The following BBS9 variants were observed in gnomAD, a reference collection of about 807,000 sequenced individuals.
BBS9 encodes the protein Bardet-Biedl syndrome 9.
In BBS9, 89 loss-of-function variants were observed where a neutral mutation model predicts 117.7. The ratio of observed to expected loss-of-function variants is 0.76; its 90% CI spans 0.64 to 0.90. BBS9 has a LOEUF of 0.90. BBS9 is among the 40% of genes least tolerant of loss of function. The probability of loss-of-function intolerance (pLI) is 0.00; values close to 1 mark genes in which losing one functional copy is unlikely to be tolerated. For missense variants in BBS9, 982 were observed against 1,042.2 expected, an observed-to-expected ratio of 0.94 and a Z score of 0.80; for synonymous variants, 379 against 370.9, an observed-to-expected ratio of 1.02 and a Z score of -0.25.
At chr7:33,557,558 G>T (rs1460347525) in intron 21 of BBS9, among the ~76,000 whole-genome samples, 1 of 151,954 alleles carries the variant, frequency 6.6e-6, no homozygotes, top group Non-Finnish European at 1.5e-5. Context: ...TGCAATTAAT[G>T]TCAGTCCTTT....
intron 19 of BBS9, among the ~76,000 whole-genome samples, 182 bp from the exon 20 acceptor site, chr7:33,505,281 T>TA (rs1845984808): frequency 1.3e-5 from 2 of 151,952 alleles, no homozygotes; most frequent in Non-Finnish European, 2.9e-5. Flanking sequence ...GTGGGCATTT[T>TA]TTTTTAAAGA....
intron 19 of BBS9, among the ~76,000 whole-genome samples, chr7:33,414,944 A>T (rs1216807348): frequency 2.6e-5 from 4 of 152,138 alleles, no homozygotes; most frequent in African/African-American, 4.8e-5. Flanking sequence ...ACATTTTTTT[A>T]AAAATTGAAA....
intron 21 of BBS9, among the ~76,000 whole-genome samples, chr7:33,600,108 A>T (rs1167088495): frequency 1.3e-5 from 2 of 152,216 alleles, no homozygotes; most frequent in Non-Finnish European, 2.9e-5. Context: ...TACATATCAC[A>T]TTAATTAAGT....
chr7:33,242,931 A>G (rs776411084), intron 5 of BBS9: 3 of 518,778 alleles, frequency 5.8e-6, no homozygotes, highest in South Asian at 2.8e-5. Flanking sequence ...TGGCCCTGCT[A>G]CTTACCAGCT....
intron 19 of BBS9, among the ~76,000 whole-genome samples, chr7:33,431,029 A>G (rs182191362): frequency 0.032 from 4,420 of 139,608 alleles, 217 homozygotes; most frequent in African/African-American, 0.11. Flanking sequence ...TCTCTGTGAG[A>G]AAAAAAAAAA....
intron 19 of BBS9, among the ~76,000 whole-genome samples, chr7:33,492,754 C>G (rs1009706842): frequency 1.3e-5 from 2 of 151,118 alleles, no homozygotes; most frequent in African/African-American, 4.9e-5. Flanking sequence ...AGGTATTTCT[C>G]ATACTCACTT....
intron 5 of BBS9, among the ~76,000 whole-genome samples, chr7:33,215,965 TAACCTA>T (rs1188297779): frequency 3.4e-5 from 5 of 146,588 alleles, no homozygotes; most frequent in Non-Finnish European, 7.5e-5. Context: ...TTTAGGAAAC[TAACCTA>T]AAAGAGAAGT....
At chr7:33,342,901 A>T (rs1181098398) in intron 11 of BBS9, among the ~76,000 whole-genome samples, 1 of 152,172 alleles carries the variant, frequency 6.6e-6, no homozygotes, top group African/African-American at 2.4e-5. Flanking sequence ...CAAAGCCTGG[A>T]TTAATATTTT....
chr7:33,470,163 A>C (rs1334060049), intron 19 of BBS9, among the ~76,000 whole-genome samples: 1 of 152,180 alleles, frequency 6.6e-6, no homozygotes, highest in Non-Finnish European at 1.5e-5. Context: ...TATTGTACTA[A>C]ATCCAACTGT....
chr7:33,579,513 G>A (rs1289928651), intron 21 of BBS9, among the ~76,000 whole-genome samples: 1 of 152,160 alleles, frequency 6.6e-6, no homozygotes, highest in Non-Finnish European at 1.5e-5. Flanking sequence ...TTGAAGCACT[G>A]AGGTTTGTTT....
intron 19 of BBS9, among the ~76,000 whole-genome samples, chr7:33,439,096 C>T (rs1835738551): frequency 6.6e-6 from 1 of 152,090 alleles, no homozygotes; most frequent in Non-Finnish European, 1.5e-5. Flanking sequence ...ACCCTTCAGC[C>T]CTAAAGCCTG....
intron 21 of BBS9, among the ~76,000 whole-genome samples, chr7:33,601,769 G>A (rs1307832182): frequency 6.6e-6 from 1 of 152,140 alleles, no homozygotes; most frequent in Non-Finnish European, 1.5e-5. Flanking sequence ...GTCATCAGAA[G>A]CAGCATCTGA....
Position 33,509,584 on chromosome 7 carries a change from C to T in BBS9, c.2298+3939C>T, listed in dbSNP as rs78131735. 5.1e-4 allele frequency among the ~76,000 whole-genome samples: 78 copies of T among 152,200 alleles called. No individual in the cohort carries two copies. In the East Asian group the frequency reaches 0.013, roughly 26 times the overall value. Reference sequence around the variant, plus strand: ...AGAGGGAAAACTTTAGACATGTGGACGACATTTTCAGAAGAGCCTCTCAGC... The same window carrying T: ...AGAGGGAAAACTTTAGACATGTGGATGACATTTTCAGAAGAGCCTCTCAGC... On this transcript the variant is annotated intron_variant, in intron 20 of 22. Transcript: ENST00000242067.
chr7:33,275,078 C>T (rs1800515635), intron 9 of BBS9, among the ~76,000 whole-genome samples: 1 of 150,592 alleles, frequency 6.6e-6, no homozygotes, highest in Non-Finnish European at 1.5e-5. Context: ...TTGTTTTCTC[C>T]TATTAAGGGC....
intron 21 of BBS9, among the ~76,000 whole-genome samples, chr7:33,552,650 T>G (rs556962026): frequency 6.6e-6 from 1 of 152,300 alleles, no homozygotes; most frequent in South Asian, 2.1e-4. Context: ...TCTAATTGAT[T>G]TCGTATCTCA....
intron 21 of BBS9, among the ~76,000 whole-genome samples, chr7:33,596,066 A>G (rs573451337): frequency 6.6e-6 from 1 of 152,126 alleles, no homozygotes; most frequent in African/African-American, 2.4e-5. Context: ...CAAATAGCTA[A>G]TGCAAGTGGA....
At chr7:33,292,173 T>C (rs796689904) in intron 9 of BBS9, among the ~76,000 whole-genome samples, 41 of 152,272 alleles carry the variant, frequency 2.7e-4, no homozygotes, top group African/African-American at 8.9e-4. Context: ...CTTCACAGCC[T>C]GAATACCTTG....
chr7:33,592,079 A>G (rs905125146), intron 21 of BBS9, among the ~76,000 whole-genome samples: 2 of 152,088 alleles, frequency 1.3e-5, no homozygotes, highest in African/African-American at 4.8e-5. Flanking sequence ...CCACTGGTCT[A>G]CTTACTCCAT....
chr7:33,438,938 T>TTA (rs577786690), intron 19 of BBS9, among the ~76,000 whole-genome samples: 28 of 152,172 alleles, frequency 1.8e-4, no homozygotes, highest in Non-Finnish European at 3.7e-4. Context: ...CAACCTTAGT[T>TTA]TATCATAATT....
Sources: allele counts gnomAD v4.1 joint callset (sites outside exome capture counted in the v4.1 genomes callset), GRCh38; gene constraint gnomAD v4.1.1; transcripts MANE v1.5; gene names NCBI Gene and HGNC (gene_info 2026-07-23, HGNC 2026-07-21).